ASIC2: variants seen among roughly 807,000 people sequenced by gnomAD.
The protein encoded by ASIC2 is acid sensing ion channel subunit 2.
A neutral mutation model predicts 57.3 loss-of-function variants in ASIC2; 25 were observed. That is an observed-to-expected ratio of 0.44 (90% CI 0.32 to 0.61). The LOEUF is 0.61. Ranked by LOEUF, ASIC2 falls within the 20% of genes least tolerant of loss-of-function variation. The pLI is 0.06. For missense variants in ASIC2, 641 were observed against 738.1 expected (o/e 0.87, Z 1.52); for synonymous variants, 319 against 307.5 (o/e 1.04, Z -0.39).
chr17:33,644,129 G>GTTCT (rs1407351902), intron 1 of ASIC2, among the ~76,000 whole-genome samples: 1 of 152,134 alleles, frequency 6.6e-6, no homozygotes, highest in Admixed American at 6.5e-5. Flanking sequence ...TTCTCGTTGT[G>GTTCT]TGTCTTATCT....
chr17:34,127,400 G>A (rs1911819481), intron 1 of ASIC2, among the ~76,000 whole-genome samples: 1 of 152,160 alleles, frequency 6.6e-6, no homozygotes, highest in African/African-American at 2.4e-5. Flanking sequence ...CTCCATCTAT[G>A]ACATTCTAGA....
intron 1 of ASIC2, among the ~76,000 whole-genome samples, chr17:33,990,098 G>A (rs1182882821): frequency 6.6e-6 from 1 of 152,180 alleles, no homozygotes; most frequent in Non-Finnish European, 1.5e-5. Flanking sequence ...TAAGGGTGAA[G>A]GTGGGGAATT....
chr17:33,194,298 T>G (rs1906542637), intron 1 of ASIC2, among the ~76,000 whole-genome samples: 1 of 152,248 alleles, frequency 6.6e-6, no homozygotes, highest in East Asian at 1.9e-4. Flanking sequence ...GATCTCCACA[T>G]TCAAAAGCAG....
chr17:33,978,320 A>G (rs557580757), intron 1 of ASIC2, among the ~76,000 whole-genome samples: 52 of 152,226 alleles, frequency 3.4e-4, no homozygotes, highest in Non-Finnish European at 2.8e-4. Context: ...CGTAGAAAAT[A>G]TGGCAGGGAT....
intron 1 of ASIC2, among the ~76,000 whole-genome samples, chr17:33,734,963 C>T (rs1909865375): frequency 6.6e-6 from 1 of 152,222 alleles, no homozygotes; most frequent in South Asian, 2.1e-4. Flanking sequence ...GCCACACTGA[C>T]TTTCTTGCTA....
intron 1 of ASIC2, among the ~76,000 whole-genome samples, chr17:34,043,962 A>C (rs1312917072): frequency 6.6e-6 from 1 of 152,198 alleles, no homozygotes; most frequent in Non-Finnish European, 1.5e-5. Flanking sequence ...AGAGGCACAC[A>C]ATACAAAATT....
rs138712386 is a variant in ASIC2 at position 33,430,674 on chromosome 17, C to T, written c.556-318607G>A. ...AACCTGCAGCTGCCATGTGGAAATG[C>T]GGTCCAGTGTAACCAGACATTGTAA... On this transcript the variant is annotated intron_variant, in intron 1 of 9. Coordinates refer to the ASIC2 transcript ENST00000359872. 3.1e-3 allele frequency among the ~76,000 whole-genome samples: 465 copies of T among 152,272 alleles called. 1 individual carries two copies. Among genetic ancestry groups the T allele is most frequent in the Non-Finnish European group, 5.3e-3 (358 of 68,020 alleles).
intron 1 of ASIC2, among the ~76,000 whole-genome samples, chr17:33,823,412 C>T (rs747243352): frequency 1.3e-5 from 2 of 149,964 alleles, no homozygotes; most frequent in East Asian, 2.0e-4. Context: ...ATGTGTATCT[C>T]GAGTCGAGAG....
intron 1 of ASIC2, among the ~76,000 whole-genome samples, chr17:33,468,719 G>A (rs963374991): frequency 6.6e-6 from 1 of 151,250 alleles, no homozygotes; most frequent in East Asian, 1.9e-4. Context: ...ACTTAAACAG[G>A]TGAAGAAAAA....
intron 1 of ASIC2, among the ~76,000 whole-genome samples, chr17:33,844,096 G>A (rs1014927714): frequency 9.1e-6 from 1 of 110,074 alleles, no homozygotes; most frequent in Non-Finnish European, 2.3e-5. Flanking sequence ...ATAAGCTCTG[G>A]TGTATATGTA....
In ASIC2 at chr17:33,629,916, G is replaced by A. The variant is rs139729725; in HGVS notation, c.556-517849C>T. ...TTATGTTTCTCAGCTGCAGTACCAT[G>A]AGGCTCAGCAAGACGAGGAAGGGGC... On this transcript the variant is annotated intron_variant, in intron 1 of 9. Transcript: ENST00000359872. Among the ~76,000 whole-genome samples the A allele has an allele frequency of 2.4e-4, 36 of 152,320 alleles. No individual in the cohort carries two copies. The East Asian group carries it at 6.6e-3, about 28-fold the overall frequency.
intron 1 of ASIC2, among the ~76,000 whole-genome samples, chr17:34,076,602 G>T (rs1329048761): frequency 6.6e-6 from 1 of 152,192 alleles, no homozygotes; most frequent in Non-Finnish European, 1.5e-5. Flanking sequence ...TTGTTGTTAT[G>T]AAGAATGGAG....
chr17:33,637,572 C>T (rs185607542), intron 1 of ASIC2, among the ~76,000 whole-genome samples: 1 of 152,344 alleles, frequency 6.6e-6, no homozygotes, highest in East Asian at 1.9e-4. Flanking sequence ...CTGCTTCCCA[C>T]TCCAGTGGCT....
At chr17:33,298,005 A>G (rs1219721247), upstream of ASIC2, among the ~76,000 whole-genome samples, 1 of 137,400 alleles carries the variant, frequency 7.3e-6, no homozygotes, top group Non-Finnish European at 1.5e-5. Flanking sequence ...GCTCTGTGTC[A>G]GTCTGCCTCC....
intron 1 of ASIC2, among the ~76,000 whole-genome samples, chr17:33,620,879 C>T (rs984772338): frequency 3.3e-5 from 5 of 152,090 alleles, no homozygotes; most frequent in African/African-American, 7.2e-5. Context: ...CATGCACCCC[C>T]AGCCCCCACA....
At chr17:33,340,353 C>T (rs1016564443) in intron 1 of ASIC2, among the ~76,000 whole-genome samples, 2 of 152,086 alleles carry the variant, frequency 1.3e-5, no homozygotes, top group Non-Finnish European at 2.9e-5. Flanking sequence ...TCCTCAGATG[C>T]AAAGTAGGGA....
chr17:33,978,772 G>A (rs1202813967), intron 1 of ASIC2, among the ~76,000 whole-genome samples: 2 of 152,116 alleles, frequency 1.3e-5, no homozygotes, highest in Non-Finnish European at 2.9e-5. Context: ...GAGGAGTAAG[G>A]AGTGTTAGGA....
chr17:33,697,404 A>G (rs1042539028), intron 1 of ASIC2, among the ~76,000 whole-genome samples: 1 of 152,128 alleles, frequency 6.6e-6, no homozygotes, highest in Non-Finnish European at 1.5e-5. Flanking sequence ...GGCAGGAGAA[A>G]ATCCACATAG....
chr17:33,451,917 G>T (rs943923625), intron 1 of ASIC2, among the ~76,000 whole-genome samples: 1 of 152,138 alleles, frequency 6.6e-6, no homozygotes, highest in Non-Finnish European at 1.5e-5. Flanking sequence ...GTCTATGATG[G>T]TAGGGACTTT....
Sources: gnomAD v4.1 joint callset for allele counts (sites outside exome capture counted in the v4.1 genomes callset) on GRCh38, gnomAD v4.1.1 for gene constraint, MANE v1.5 for transcripts, NCBI Gene and HGNC (gene_info 2026-07-23, HGNC 2026-07-21) for gene names.